EYA4: variants seen among roughly 807,000 people sequenced by gnomAD.
The protein encoded by EYA4 is EYA transcriptional coactivator and phosphatase 4, also known as protein phosphatase EYA4.
EYA4 carries 31 observed loss-of-function variants against 87.9 expected under a neutral mutation model. The observed-to-expected ratio is 0.35, with a 90% CI of 0.27 to 0.48. EYA4 has a LOEUF of 0.48. EYA4 is among the 20% of genes least tolerant of loss of function. The pLI is 0.99. For missense variants in EYA4, 678 were observed against 761.4 expected (o/e 0.89, Z 1.29); for synonymous variants, 263 against 270.6 (o/e 0.97, Z 0.28).
At chr6:133,272,885 A>G (rs1231845596) in intron 1 of EYA4, among the ~76,000 whole-genome samples, 1 of 151,884 alleles carries the variant, frequency 6.6e-6, no homozygotes, top group Non-Finnish European at 1.5e-5. Flanking sequence ...CAAACTTTAA[A>G]TGGGTTAGAA....
intron 3 of EYA4, among the ~76,000 whole-genome samples, chr6:133,436,751 A>G (rs1791723783): frequency 6.6e-6 from 1 of 152,234 alleles, no homozygotes; most frequent in Admixed American, 6.5e-5. Flanking sequence ...CTTTATGCAA[A>G]GAGAAAAAGC....
intron 2 of EYA4, among the ~76,000 whole-genome samples, chr6:133,343,980 G>A (rs1783011320): frequency 6.6e-6 from 1 of 151,990 alleles, no homozygotes; most frequent in Non-Finnish European, 1.5e-5. Context: ...TCAATAAATT[G>A]TATTCATTAT....
chr6:133,431,795 G>A (rs755895455), intron 3 of EYA4, among the ~76,000 whole-genome samples: 11 of 152,084 alleles, frequency 7.2e-5, no homozygotes, highest in African/African-American at 1.9e-4. Context: ...CCCCTTAAAT[G>A]TTCATGGTTG....
chr6:133,415,271 G>A (rs1562393793), intron 3 of EYA4, among the ~76,000 whole-genome samples: 1 of 152,174 alleles, frequency 6.6e-6, no homozygotes, highest in Non-Finnish European at 1.5e-5. Flanking sequence ...GAGGTGAAGC[G>A]AGTCTTTTTA....
At position 133,268,950 on chromosome 6, in the gene EYA4, T is replaced by C. The variant is rs145166915; in HGVS notation, c.-65-5766T>C. On this transcript the variant is annotated intron_variant, in intron 1 of 19. Transcript: ENST00000355286. ...AAATCTAGAACTCTCTGCCTACTTA[T>C]ACTCCTGAATTCAAATGTGTACTGC... Among the ~76,000 whole-genome samples, 273 of 152,220 alleles carry C rather than the reference T, an allele frequency of 1.8e-3. 1 individual carries two copies. The highest frequency in any genetic ancestry group is 6.2e-3 in the African/African-American group (258 of 41,532).
At chr6:133,364,671 G>T (rs922141009) in intron 2 of EYA4, among the ~76,000 whole-genome samples, 2 of 152,220 alleles carry the variant, frequency 1.3e-5, no homozygotes, top group Non-Finnish European at 2.9e-5. Flanking sequence ...TTATGAGTTT[G>T]CCAGGTGCAT....
intron 2 of EYA4, among the ~76,000 whole-genome samples, chr6:133,315,489 T>C (rs1473682518): frequency 6.6e-6 from 1 of 152,180 alleles, no homozygotes; most frequent in Non-Finnish European, 1.5e-5. Context: ...TCTACCGTTA[T>C]GTGAGGTTGG....
At chr6:133,365,464 T>A (rs865942563) in intron 2 of EYA4, among the ~76,000 whole-genome samples, 8 of 152,092 alleles carry the variant, frequency 5.3e-5, no homozygotes, top group South Asian at 2.1e-4. Context: ...GCCAATGCCA[T>A]CGAAAGATTA....
intron 3 of EYA4, among the ~76,000 whole-genome samples, chr6:133,429,429 A>G (rs760061038): frequency 3.3e-5 from 5 of 152,164 alleles, no homozygotes; most frequent in Non-Finnish European, 5.9e-5. Flanking sequence ...GGGTCAAGGG[A>G]AGAATTAAGG....
chr6:133,288,479 G>C (rs942144566), intron 2 of EYA4, among the ~76,000 whole-genome samples: 1 of 152,158 alleles, frequency 6.6e-6, no homozygotes, highest in Non-Finnish European at 1.5e-5. Flanking sequence ...GTCATTAATA[G>C]AGTTTAGGAG....
At chr6:133,379,277 T>C (rs1269841633) in intron 2 of EYA4, among the ~76,000 whole-genome samples, 1 of 152,110 alleles carries the variant, frequency 6.6e-6, no homozygotes, top group Non-Finnish European at 1.5e-5. Context: ...TCATTGAAGG[T>C]TCTATATGTT....
chr6:133,491,347 A>G (rs1051416548), intron 13 of EYA4, among the ~76,000 whole-genome samples: 1 of 152,194 alleles, frequency 6.6e-6, no homozygotes, highest in African/African-American at 2.4e-5. Context: ...AAAAAAATAC[A>G]AAAGATCAAC....
chr6:133,467,502 T>C (rs961623883), intron 10 of EYA4, among the ~76,000 whole-genome samples: 2 of 152,064 alleles, frequency 1.3e-5, no homozygotes, highest in African/African-American at 4.8e-5. Context: ...AGGAACTTTG[T>C]TTAAATATGA....
chr6:133,260,389 C>G (rs1210983247), intron 1 of EYA4, among the ~76,000 whole-genome samples: 1 of 152,138 alleles, frequency 6.6e-6, no homozygotes, highest in Non-Finnish European at 1.5e-5. Flanking sequence ...AGGTGCCCAC[C>G]ACCATGCCCA....
At position 133,531,104 on chromosome 6, in the gene EYA4, T is replaced by G; in HGVS notation, c.*2299T>G. 1 of 1,487,734 alleles carries G rather than the reference T, an allele frequency of 6.7e-7. No individual in the cohort carries two copies. The highest frequency in any genetic ancestry group is 8.9e-7 in the Non-Finnish European group (1 of 1,121,442). 92.2% of individuals were successfully genotyped at this position (1,487,734 alleles called of 1,614,324 possible). ...AAGGCTTTTTATGCTGCTAAGTCTG[T>G]GGGTGCAGAAAGAAACACCCCTTGG... On this transcript the variant is annotated 3_prime_UTR_variant, in exon 20 of 20. Coordinates refer to ENST00000355286, the MANE Select transcript of EYA4 (RefSeq NM_004100.5).
intron 17 of EYA4, among the ~76,000 whole-genome samples, chr6:133,520,250 C>CA (rs1799995573): frequency 6.7e-6 from 1 of 148,850 alleles, no homozygotes; most frequent in South Asian, 2.2e-4. Context: ...TGTCTCAGCC[C>CA]AAAATCTCCT....
At chr6:133,288,110 G>A (rs192776476) in intron 2 of EYA4, among the ~76,000 whole-genome samples, 1 of 152,106 alleles carries the variant, frequency 6.6e-6, no homozygotes, top group East Asian at 1.9e-4. Flanking sequence ...CTCCAGCCTG[G>A]GCGACAGAGT....
chr6:133,379,974 C>T (rs918471516), intron 2 of EYA4, among the ~76,000 whole-genome samples: 1 of 152,144 alleles, frequency 6.6e-6, no homozygotes, highest in African/African-American at 2.4e-5. Flanking sequence ...TCATAATATG[C>T]TTCCTCTGGC....
At chr6:133,412,876 G>A (rs972848782) in intron 3 of EYA4, among the ~76,000 whole-genome samples, 2 of 152,084 alleles carry the variant, frequency 1.3e-5, no homozygotes, top group African/African-American at 2.4e-5. Flanking sequence ...GTTTGAAGTG[G>A]CTATTTCCAT....
Sources: allele counts gnomAD v4.1 joint callset (sites outside exome capture counted in the v4.1 genomes callset), GRCh38; gene constraint gnomAD v4.1.1; transcripts MANE v1.5; gene names NCBI Gene and HGNC (gene_info 2026-07-23, HGNC 2026-07-21).